Variants in CTNNA3 observed in about 807,000 individuals in gnomAD.
CTNNA3 encodes the protein catenin alpha 3, also known as catenin alpha-3.
Under a neutral mutation model 95.7 loss-of-function variants are expected in CTNNA3, and 76 were observed. That is an observed-to-expected ratio of 0.79 (90% CI 0.66 to 0.96). CTNNA3 has a LOEUF of 0.96. CTNNA3 is among the 40% of genes least tolerant of loss of function. The pLI, the probability that CTNNA3 is intolerant of heterozygous loss-of-function variation, is 0.00. For synonymous variants in CTNNA3, 431 were observed against 374.4 expected (o/e 1.15, Z -1.74); for missense variants, 1,191 against 1,089.8 (o/e 1.09, Z -1.31).
intron 11 of CTNNA3, among the ~76,000 whole-genome samples, chr10:66,466,818 G>A (rs1414537131): frequency 6.6e-6 from 1 of 152,084 alleles, no homozygotes; most frequent in Non-Finnish European, 1.5e-5. Flanking sequence ...AATATGCCAG[G>A]TGATTCATGT....
At chr10:66,318,300 GTGTGTGTA>G (rs1229160040) in intron 12 of CTNNA3, among the ~76,000 whole-genome samples, 26 of 151,726 alleles carry the variant, frequency 1.7e-4, no homozygotes, top group African/African-American at 4.1e-4. Flanking sequence ...GTGTGTGTGT[GTGTGTGTA>G]TGTGTGCACG....
At chr10:67,367,750 C>G (rs1843269282) in intron 5 of CTNNA3, among the ~76,000 whole-genome samples, 1 of 152,048 alleles carries the variant, frequency 6.6e-6, no homozygotes, top group Non-Finnish European at 1.5e-5. Flanking sequence ...TTTTTTGCAC[C>G]AATATGGCTG....
chr10:66,052,909 A>G (rs898764499), intron 15 of CTNNA3, among the ~76,000 whole-genome samples: 3 of 151,994 alleles, frequency 2.0e-5, no homozygotes, highest in Admixed American at 6.6e-5. Context: ...AGGTATTACA[A>G]TTTTTTTTGG....
At chr10:66,658,165 G>A (rs1846132674) in intron 9 of CTNNA3, among the ~76,000 whole-genome samples, 1 of 152,034 alleles carries the variant, frequency 6.6e-6, no homozygotes, top group South Asian at 2.1e-4. Flanking sequence ...TTGTCTGGGA[G>A]ACCTGGGCTT....
chr10:67,392,998 T>C (rs1044289687), intron 5 of CTNNA3, among the ~76,000 whole-genome samples: 1 of 151,988 alleles, frequency 6.6e-6, no homozygotes, highest in East Asian at 1.9e-4. Flanking sequence ...ATGGCACATG[T>C]ATACATATGT....
intron 5 of CTNNA3, among the ~76,000 whole-genome samples, chr10:67,392,669 A>G (rs1207859273): frequency 6.6e-6 from 1 of 152,180 alleles, no homozygotes; most frequent in African/African-American, 2.4e-5. Context: ...ATGTCCATCA[A>G]TGATAGACTG....
intron 7 of CTNNA3, among the ~76,000 whole-genome samples, chr10:67,117,026 C>A (rs561336485): frequency 6.6e-6 from 1 of 151,540 alleles, no homozygotes; most frequent in Non-Finnish European, 1.5e-5. Flanking sequence ...TGATTCATCT[C>A]AAAATCATCA....
intron 2 of CTNNA3, among the ~76,000 whole-genome samples, chr10:67,641,161 A>G (rs1383673111): frequency 6.6e-6 from 1 of 152,204 alleles, no homozygotes; most frequent in African/African-American, 2.4e-5. Context: ...ATTTACAAGA[A>G]AAAAAACAAA....
chr10:66,198,289 GAAGA>G (rs2087094911), intron 13 of CTNNA3, among the ~76,000 whole-genome samples: 1 of 152,070 alleles, frequency 6.6e-6, no homozygotes, highest in Admixed American at 6.6e-5. Context: ...AATGAGATCT[GAAGA>G]AAGAGCCAAG....
chr10:67,570,643 TA>T (rs1841947184), intron 3 of CTNNA3, among the ~76,000 whole-genome samples: 1 of 152,214 alleles, frequency 6.6e-6, no homozygotes, highest in South Asian at 2.1e-4. Flanking sequence ...TCACCATGTA[TA>T]AACTGAACTC....
At position 66,069,370 on chromosome 10, in the gene CTNNA3, G is replaced by A. The variant is rs142942346; in HGVS notation, c.2097C>T (p.Asn699=). ...TGTTCTTGGCCAGAACAATGATGTC[G>A]TTGCTTGTATCATCCCATATCTCAA... The part of the protein sequence containing the change: ...AEIEIWDDTS[N]DIIVLAKNMC... Residue 699 remains asparagine (N), a synonymous_variant, in exon 15 of 18, where the codon AAC becomes AAT. Transcript: ENST00000433211. The A allele has an allele frequency of 1.3e-5, 21 of 1,613,400 alleles. No homozygotes were observed. The highest frequency in any genetic ancestry group is 8.0e-5 in the African/African-American group (6 of 74,880).
intron 7 of CTNNA3, among the ~76,000 whole-genome samples, chr10:67,022,593 C>G (rs1211902565): frequency 1.3e-5 from 2 of 152,072 alleles, no homozygotes; most frequent in Non-Finnish European, 2.9e-5. Context: ...AGTCAATATA[C>G]AAAGGTAAGT....
chr10:67,586,283 A>G (rs1842622341), intron 3 of CTNNA3, among the ~76,000 whole-genome samples: 1 of 152,144 alleles, frequency 6.6e-6, no homozygotes, highest in African/African-American at 2.4e-5. Flanking sequence ...TAATGTAAAG[A>G]GTGTGTATTC....
intron 1 of CTNNA3, among the ~76,000 whole-genome samples, chr10:67,741,340 AAAG>A (rs1313061315): frequency 6.8e-6 from 1 of 146,350 alleles, no homozygotes; most frequent in African/African-American, 2.5e-5. Flanking sequence ...AAAAATAAAA[AAAG>A]AACAAAAAAA....
chr10:66,220,217 A>C (rs1173276545), intron 13 of CTNNA3, among the ~76,000 whole-genome samples: 1 of 146,090 alleles, frequency 6.8e-6, no homozygotes, highest in East Asian at 2.0e-4. Flanking sequence ...GTTTTTCCCA[A>C]AAAATGTGGT....
intron 7 of CTNNA3, among the ~76,000 whole-genome samples, chr10:66,778,574 G>A (rs1840405911): frequency 6.6e-6 from 1 of 152,148 alleles, no homozygotes; most frequent in Non-Finnish European, 1.5e-5. Context: ...ACCACTTACA[G>A]TGGAGTGTCA....
chr10:67,115,644 G>A (rs1859142618), intron 7 of CTNNA3, among the ~76,000 whole-genome samples: 1 of 151,588 alleles, frequency 6.6e-6, no homozygotes, highest in African/African-American at 2.4e-5. Flanking sequence ...AGGAATGGAT[G>A]TTACAAACCA....
chr10:67,258,013 G>T (rs1280569594), intron 5 of CTNNA3, among the ~76,000 whole-genome samples: 1 of 152,166 alleles, frequency 6.6e-6, no homozygotes, highest in African/African-American at 2.4e-5. Flanking sequence ...TAATGTGTGT[G>T]TCAGACAATC....
At chr10:67,352,232 C>T (rs1842663174) in intron 5 of CTNNA3, among the ~76,000 whole-genome samples, 2 of 151,852 alleles carry the variant, frequency 1.3e-5, no homozygotes, top group African/African-American at 4.8e-5. Context: ...CCTAGGACTC[C>T]CTAAATCTGC....
Sources: gnomAD v4.1 joint callset for allele counts (sites outside exome capture counted in the v4.1 genomes callset) on GRCh38, gnomAD v4.1.1 for gene constraint, MANE v1.5 for transcripts, NCBI Gene and HGNC (gene_info 2026-07-23, HGNC 2026-07-21) for gene names.